CYP4F11: variants seen among roughly 807,000 people sequenced by gnomAD.
CYP4F11 encodes cytochrome P450 family 4 subfamily F member 11, also known as cytochrome P450 4F11.
CYP4F11 carries 79 observed loss-of-function variants against 62.2 expected under a neutral mutation model. The observed-to-expected ratio is 1.27, with a 90% confidence interval of 1.06 to 1.53. CYP4F11 has a LOEUF of 1.53. Ranked by LOEUF, CYP4F11 falls within the 40% of genes most tolerant of loss-of-function variation. The probability of loss-of-function intolerance (pLI) is 0.00; values close to 1 mark genes in which losing one functional copy is unlikely to be tolerated. For missense variants in CYP4F11, 777 were observed against 680.5 expected (o/e 1.14, Z -1.58); for synonymous variants, 290 against 263.7 (o/e 1.10, Z -0.97).
At chr19:15,920,223 A>T (rs1301367961) in intron 8 of CYP4F11, among the ~76,000 whole-genome samples, 1 of 152,244 alleles carries the variant, frequency 6.6e-6, no homozygotes, top group Non-Finnish European at 1.5e-5. Context: ...AAGACAAATT[A>T]AAAAACAAAC....
Position 15,934,471 on chromosome 19 carries a change from C to G in CYP4F11, c.-63G>C. 6.3e-7 allele frequency: 1 copy of G among 1,579,566 alleles called. No homozygotes were observed. On this transcript the variant is annotated 5_prime_UTR_variant, in exon 1 of 12. Coordinates refer to ENST00000402119, the MANE Select transcript of CYP4F11 (RefSeq NM_021187.4). ...GCCCAGGGAAGGGCCCAGGAAGCTCCAAGGACAGTGGAAAGGGGCAAGGAT... is the reference window on the plus strand; with the variant it reads ...GCCCAGGGAAGGGCCCAGGAAGCTCGAAGGACAGTGGAAAGGGGCAAGGAT...
rs1432414100 is a variant in CYP4F11 at position 15,928,858 on chromosome 19, T to C, written c.343+599A>G. On this transcript the variant is annotated intron_variant, in intron 2 of 11. Coordinates refer to ENST00000402119, the MANE Select transcript of CYP4F11 (RefSeq NM_021187.4). ...GAGTGACAGGATGAGGTAAAAGGAA[T>C]AAACTCACCAGACTTGAACATCACA... Among the ~76,000 whole-genome samples, 3 of 152,182 alleles carry C rather than the reference T, an allele frequency of 2.0e-5. No individual in the cohort carries two copies. In the East Asian group the frequency reaches 5.8e-4, roughly 29 times the overall value.
intron 1 of CYP4F11, 87 bp from the exon 2 acceptor site, chr19:15,929,688 A>G: frequency 1.4e-6 from 2 of 1,413,504 alleles, no homozygotes; most frequent in East Asian, 2.3e-5. Context: ...GACCGAGCCA[A>G]GAGATGCCCA....
At chr19:15,927,698 C>A (rs1456528399) in intron 2 of CYP4F11, 9 of 605,162 alleles carry the variant, frequency 1.5e-5, no homozygotes, top group Non-Finnish European at 2.6e-5. Context: ...ACAGCATGCC[C>A]CAGCACACAG....
intron 4 of CYP4F11, among the ~76,000 whole-genome samples, chr19:15,926,333 A>G (rs1243073760): frequency 1.3e-5 from 2 of 152,190 alleles, no homozygotes; most frequent in East Asian, 3.8e-4. Flanking sequence ...CGTGAGTAAT[A>G]AATTGCTGTT....
intron 8 of CYP4F11, among the ~76,000 whole-genome samples, chr19:15,918,061 A>G (rs146270303): frequency 2.6e-5 from 4 of 152,320 alleles, no homozygotes; most frequent in African/African-American, 9.6e-5. Context: ...GATAATCCAG[A>G]CAAAGAAAAT....
chr19:15,930,813 T>C (rs974332252), intron 1 of CYP4F11, among the ~76,000 whole-genome samples: 8 of 151,956 alleles, frequency 5.3e-5, no homozygotes, highest in Non-Finnish European at 1.5e-5. Flanking sequence ...TCCTGGCTGG[T>C]CCCCACCAGC....
intron 8 of CYP4F11, among the ~76,000 whole-genome samples, chr19:15,917,508 G>A (rs2145039116): frequency 6.6e-6 from 1 of 152,148 alleles, no homozygotes; most frequent in South Asian, 2.1e-4. Flanking sequence ...ACCAAAGAAT[G>A]GAATAGGGAG....
In CYP4F11 at chr19:15,912,790, A is replaced by AGTGTG. The variant is rs775427798; in HGVS notation, c.*941_*942insCACAC. 1 of 43,490 alleles carries AGTGTG rather than the reference A, an allele frequency of 2.3e-5. No individual in the cohort carries two copies. The highest frequency in any genetic ancestry group is 4.3e-5 in the Non-Finnish European group (1 of 23,338). The allele number at this position is 43,490 out of a possible 1,614,324, so 2.7% of individuals were successfully genotyped here. A position where few individuals can be genotyped will look rare whatever the true frequency, so the allele number is the denominator to read the frequency against. ...GTGTGTGTATATATATATATATATA[A>AGTGTG]TATATATATATATATACATATCTTA... On this transcript the variant is annotated 3_prime_UTR_variant, in exon 12 of 12. Coordinates refer to ENST00000402119, the MANE Select transcript of CYP4F11 (RefSeq NM_021187.4).
At position 15,913,440 on chromosome 19, in the gene CYP4F11, T is replaced by G. The variant is rs1383544042; in HGVS notation, c.*292A>C. On this transcript the variant is annotated 3_prime_UTR_variant, in exon 12 of 12. Transcript: ENST00000402119. ...TGCTCCTTAAACCCATTCTTAATCC[T>G]GTTCCCTCTCCTGCTCAAACACCTC... 3 of 433,914 alleles carry G rather than the reference T, an allele frequency of 6.9e-6. No homozygotes were observed. In the Admixed American group the frequency reaches 1.1e-4, roughly 15 times the overall value. 26.9% of individuals were successfully genotyped at this position (433,914 alleles called of 1,614,324 possible).
chr19:15,919,257 A>T (rs1327398252), intron 8 of CYP4F11, among the ~76,000 whole-genome samples: 2 of 148,144 alleles, frequency 1.4e-5, no homozygotes, highest in Non-Finnish European at 3.0e-5. Flanking sequence ...ATATATTAAA[A>T]TATATAAATA....
chr19:15,915,253 C>G (rs2089575073), intron 8 of CYP4F11, among the ~76,000 whole-genome samples: 1 of 152,078 alleles, frequency 6.6e-6, no homozygotes, highest in Non-Finnish European at 1.5e-5. Context: ...TGCTCTTATT[C>G]ATCATTGTAT....
Position 15,934,274 on chromosome 19 carries a change from G to T in CYP4F11, c.135C>A (p.Cys45Ter), listed in dbSNP as rs769464494. 3 of 1,613,728 alleles carry T rather than the reference G, an allele frequency of 1.9e-6. No homozygotes were observed. In the South Asian group the frequency reaches 3.3e-5, roughly 18 times the overall value. ...LAWTYTFYDN[C>*]RRLQCFPQPP... ...GTTGAGGAAAACACTGGAGGCGGCGGCAGTTGTCATAGAAGGTGTAGGTCC... is the reference window on the plus strand; with the variant it reads ...GTTGAGGAAAACACTGGAGGCGGCGTCAGTTGTCATAGAAGGTGTAGGTCC... Residue 45 changes from cysteine (C) to a stop codon, truncating the protein, a stop_gained, in exon 1 of 12, where the codon TGC (cysteine) becomes TGA (stop). Coordinates refer to ENST00000402119, the MANE Select transcript of CYP4F11 (RefSeq NM_021187.4). LOFTEE classifies it high-confidence loss of function.
chr19:15,913,483 C>A lies in CYP4F11; in HGVS notation c.*249G>T. The A allele has an allele frequency of 1.9e-6, 1 of 527,580 alleles. No individual in the cohort carries two copies. The highest frequency in any genetic ancestry group is 3.4e-6 in the Non-Finnish European group (1 of 292,634). 32.7% of individuals were successfully genotyped at this position (527,580 alleles called of 1,614,324 possible). ...AACACCTCCCAGGGCTCCCTACTGC[C>A]CACAGGATAAAGTTTTTACTTGGGC... is the stretch of plus-strand genomic sequence containing the variant. On this transcript the variant is annotated 3_prime_UTR_variant, in exon 12 of 12. Coordinates refer to ENST00000402119, the MANE Select transcript of CYP4F11 (RefSeq NM_021187.4).
At chr19:15,931,241 A>T (rs2089713335) in intron 1 of CYP4F11, among the ~76,000 whole-genome samples, 1 of 151,766 alleles carries the variant, frequency 6.6e-6, no homozygotes. Flanking sequence ...CTGCGTATGG[A>T]AAGGGGCTCA....
At chr19:15,920,096 G>C (rs12974963) in intron 8 of CYP4F11, among the ~76,000 whole-genome samples, 82,271 of 152,008 alleles carry the variant, frequency 0.54, 22,860 homozygotes, top group Non-Finnish European at 0.6. Flanking sequence ...AAAATAATAA[G>C]TATATGAGGT....
chr19:15,913,779 C>T lies in CYP4F11; in HGVS notation c.1528G>A (p.Gly510Ser), dbSNP rs760010872. The T allele has an allele frequency of 6.2e-7, 1 of 1,614,178 alleles. No homozygotes were observed. Among genetic ancestry groups the T allele is most frequent in the South Asian group, 1.1e-5 (1 of 91,086 alleles). Residue 510 changes from glycine to serine, a missense_variant, in exon 12 of 12, where the codon GGT (glycine) becomes AGT (serine). By Grantham distance (56) the Gly-to-Ser change is moderately conservative. Coordinates refer to ENST00000402119, the MANE Select transcript of CYP4F11 (RefSeq NM_021187.4). ...GGCTCCACCCGCAGCCAAAGTCCAC[C>T]CTCTGCGCGCAATATCAGCTCGGGT... The part of the protein sequence containing the change: ...RKPELILRAE[G>S]GLWLRVEPLG...
intron 7 of CYP4F11, 29 bp downstream of exon 7, chr19:15,922,335 C>T: frequency 4.3e-6 from 7 of 1,613,566 alleles, no homozygotes; most frequent in Non-Finnish European, 4.2e-6. Context: ...GCCCCTGTCC[C>T]CACCGTAGTC....
At chr19:15,922,527 T>C (rs1599375092) in intron 6 of CYP4F11, 97 bp from the exon 7 acceptor site, 14 of 1,338,378 alleles carry the variant, frequency 1.0e-5, no homozygotes, top group African/African-American at 1.4e-5. Context: ...TCCATCCTCC[T>C]TCCAGAAACC....
Sources: gnomAD v4.1 joint callset for allele counts (sites outside exome capture counted in the v4.1 genomes callset) on GRCh38, gnomAD v4.1.1 for gene constraint, MANE v1.5 for transcripts, NCBI Gene and HGNC (gene_info 2026-07-23, HGNC 2026-07-21) for gene names.